Variants in PKNOX2 observed in about 807,000 individuals in gnomAD.
PKNOX2 encodes the protein PBX/knotted 1 homeobox 2.
PKNOX2 carries 14 observed loss-of-function variants against 53.1 expected under a neutral mutation model. The observed-to-expected ratio is 0.26, with a 90% CI of 0.17 to 0.41. The LOEUF (loss-of-function observed/expected upper bound fraction) is 0.41, where lower values mean the gene tolerates loss of function less well. PKNOX2 is among the 10% of genes least tolerant of loss of function. PKNOX2 has a pLI of 1.00. For missense variants in PKNOX2, 496 were observed against 602.8 expected, an observed-to-expected ratio of 0.82 and a Z score of 1.85; for synonymous variants, 257 against 242.8, an observed-to-expected ratio of 1.06 and a Z score of -0.54.
At chr11:125,233,109 A>G (rs544410601) in intron 1 of PKNOX2, among the ~76,000 whole-genome samples, 2 of 152,332 alleles carry the variant, frequency 1.3e-5, no homozygotes, top group East Asian at 3.9e-4. Flanking sequence ...AAGAAATAAA[A>G]ACTGGGAAAG....
intron 4 of PKNOX2, among the ~76,000 whole-genome samples, chr11:125,357,151 A>C (rs902316145): frequency 6.6e-6 from 1 of 151,026 alleles, no homozygotes; most frequent in African/African-American, 2.4e-5. Context: ...ACCAAAACAG[A>C]CTCTTCTCTT....
At chr11:125,423,545 G>A (rs890924335) in intron 10 of PKNOX2, among the ~76,000 whole-genome samples, 6 of 152,158 alleles carry the variant, frequency 3.9e-5, no homozygotes, top group East Asian at 1.9e-4. Context: ...CCCCGTGTTC[G>A]TTCATTCAAC....
chr11:125,270,086 T>C (rs562797083), intron 2 of PKNOX2, among the ~76,000 whole-genome samples: 8 of 152,290 alleles, frequency 5.3e-5, no homozygotes, highest in African/African-American at 1.7e-4. Flanking sequence ...CTGGCTATCT[T>C]AAGGAATCCA....
intron 1 of PKNOX2, among the ~76,000 whole-genome samples, chr11:125,194,186 G>A (rs1957044324): frequency 6.6e-6 from 1 of 152,174 alleles, no homozygotes; most frequent in Admixed American, 6.5e-5. Context: ...CACAGGGCAG[G>A]AGAGCTCTGC....
At chr11:125,241,686 C>G (rs1943158667) in intron 2 of PKNOX2, among the ~76,000 whole-genome samples, 1 of 152,208 alleles carries the variant, frequency 6.6e-6, no homozygotes, top group South Asian at 2.1e-4. Flanking sequence ...GAAACCCTGT[C>G]TCTACTAAAA....
rs1555108397 is a variant in PKNOX2 at position 125,178,645 on chromosome 11, A to AGAAG, written c.-201+13893_-201+13896dup. ...AAGAAAGAAAGAAAGAAAGAAAGAA[A>AGAAG]GAAGGAAGGAAGGAAGGAAGGAAGG... On this transcript the variant is annotated intron_variant, in intron 1 of 12. Transcript: ENST00000298282. Among the ~76,000 whole-genome samples, 225 of 28,582 alleles carry AGAAG rather than the reference A, an allele frequency of 7.9e-3. 10 individuals carry two copies. Among genetic ancestry groups the AGAAG allele is most frequent in the Admixed American group, 0.01 (27 of 2,572 alleles). The allele number at this position is 28,582 out of a possible 152,430, so 18.8% of individuals were successfully genotyped here. A position where few individuals can be genotyped will look rare whatever the true frequency, so the allele number is the denominator to read the frequency against.
At chr11:125,251,195 A>G (rs996099497) in intron 2 of PKNOX2, among the ~76,000 whole-genome samples, 1 of 152,122 alleles carries the variant, frequency 6.6e-6, no homozygotes, top group Non-Finnish European at 1.5e-5. Context: ...TTCAGTTCTA[A>G]TTATGTTGAT....
chr11:125,381,757 CA>C (rs1953242950), intron 5 of PKNOX2, among the ~76,000 whole-genome samples: 2 of 152,216 alleles, frequency 1.3e-5, no homozygotes, highest in African/African-American at 4.8e-5. Flanking sequence ...TACCTGGCTT[CA>C]GCCACACTCA....
intron 1 of PKNOX2, among the ~76,000 whole-genome samples, chr11:125,222,222 T>A (rs371821669): frequency 6.6e-6 from 1 of 152,182 alleles, no homozygotes; most frequent in East Asian, 1.9e-4. Context: ...GATGGGTCTT[T>A]CCTCATCCTG....
chr11:125,357,081 T>C (rs929065636), intron 4 of PKNOX2, among the ~76,000 whole-genome samples: 2 of 152,276 alleles, frequency 1.3e-5, no homozygotes, highest in African/African-American at 2.4e-5. Flanking sequence ...TGGCTCCCTC[T>C]GCCCCTGGGG....
chr11:125,386,980 G>C (rs376728215), intron 6 of PKNOX2, among the ~76,000 whole-genome samples: 8 of 152,334 alleles, frequency 5.3e-5, no homozygotes, highest in East Asian at 1.9e-4. Flanking sequence ...GGGAGGGTCA[G>C]TGAAGGCATC....
chr11:125,356,968 G>T (rs770610128), intron 4 of PKNOX2, among the ~76,000 whole-genome samples: 1 of 152,220 alleles, frequency 6.6e-6, no homozygotes, highest in African/African-American at 2.4e-5. Flanking sequence ...TGCCTTGCAG[G>T]GCCCTCTGCT....
chr11:125,228,659 G>A (rs1591488124), intron 1 of PKNOX2, among the ~76,000 whole-genome samples: 1 of 152,180 alleles, frequency 6.6e-6, no homozygotes, highest in Non-Finnish European at 1.5e-5. Flanking sequence ...GGCCTGCTTT[G>A]CAAGTGATTA....
At chr11:125,369,797 C>T (rs12271172) in intron 5 of PKNOX2, among the ~76,000 whole-genome samples, 3,233 of 152,182 alleles carry the variant, frequency 0.021, 85 homozygotes, top group African/African-American at 0.058. Context: ...TTGTGGGGAG[C>T]ATAAGGAGGG....
intron 2 of PKNOX2, among the ~76,000 whole-genome samples, chr11:125,257,440 T>A (rs1473602478): frequency 6.6e-6 from 1 of 152,180 alleles, no homozygotes; most frequent in Non-Finnish European, 1.5e-5. Context: ...GGAGGCTGTT[T>A]TCAAGACCTG....
intron 3 of PKNOX2, among the ~76,000 whole-genome samples, chr11:125,334,295 T>G (rs906813408): frequency 1.3e-5 from 2 of 152,208 alleles, no homozygotes; most frequent in Non-Finnish European, 2.9e-5. Flanking sequence ...CAAAGTCCTG[T>G]TGGGCAAACA....
At chr11:125,424,803 C>A (rs1165922709) in intron 10 of PKNOX2, among the ~76,000 whole-genome samples, 1 of 152,188 alleles carries the variant, frequency 6.6e-6, no homozygotes. Flanking sequence ...ATATCCAGGA[C>A]CTGTGAACCA....
chr11:125,381,467 C>T (rs919420336), intron 5 of PKNOX2, among the ~76,000 whole-genome samples: 1 of 152,100 alleles, frequency 6.6e-6, no homozygotes. Context: ...GGATGGGCAG[C>T]ATGTTCCTTT....
At chr11:125,293,213 C>CTGCTTAAATATATATAT (rs1279363470) in intron 2 of PKNOX2, among the ~76,000 whole-genome samples, 2 of 152,124 alleles carry the variant, frequency 1.3e-5, no homozygotes, top group African/African-American at 4.8e-5. Context: ...TACACACACA[C>CTGCTTAAATATATATAT]ACAACTATAT....
Sources: allele counts gnomAD v4.1 joint callset (sites outside exome capture counted in the v4.1 genomes callset), GRCh38; gene constraint gnomAD v4.1.1; transcripts MANE v1.5; gene names NCBI Gene and HGNC (gene_info 2026-07-23, HGNC 2026-07-21).